Variants in BCL2L13 observed in about 807,000 individuals in gnomAD.
BCL2L13 encodes the protein BCL2 like 13.
A neutral mutation model predicts 25.8 loss-of-function variants in BCL2L13; 13 were observed. The observed-to-expected ratio is 0.50, with a 90% CI of 0.33 to 0.80. BCL2L13 has a LOEUF of 0.80. Among genes scored for constraint, BCL2L13 ranks in the 30% least tolerant of loss-of-function variants. The probability of loss-of-function intolerance (pLI) is 0.02; values close to 1 mark genes in which losing one functional copy is unlikely to be tolerated. For missense variants in BCL2L13, 504 were observed against 574.9 expected (o/e 0.88, Z 1.26); for synonymous variants, 244 against 230.3 (o/e 1.06, Z -0.54).
At chr22:17,635,462 T>C (rs867160178), upstream of BCL2L13, among the ~76,000 whole-genome samples, 2 of 152,218 alleles carry the variant, frequency 1.3e-5, no homozygotes, top group Admixed American at 6.5e-5. Flanking sequence ...GGCTATATTA[T>C]TTTATGCAAT....
At chr22:17,706,669 C>G (rs2060600439) in intron 6 of BCL2L13, 1 of 1,315,890 alleles carries the variant, frequency 7.6e-7, no homozygotes, top group African/African-American at 1.5e-5. Context: ...TTTATTTGCC[C>G]TGCAGCCCGG....
chr22:17,694,663 C>A (rs531084162), intron 4 of BCL2L13, among the ~76,000 whole-genome samples: 2 of 152,140 alleles, frequency 1.3e-5, no homozygotes, highest in African/African-American at 2.4e-5. Flanking sequence ...ATACTTTCAG[C>A]ACACTGGCTA....
chr22:17,649,510 CT>C lies in BCL2L13; in HGVS notation c.-50-6142del, dbSNP rs927231530. 1.1e-4 allele frequency among the ~76,000 whole-genome samples: 17 copies of C among 149,502 alleles called. No individual in the cohort carries two copies. The South Asian group carries it at 1.3e-3, about 11-fold the overall frequency. The stretch of plus-strand genomic sequence containing the variant: ...CAAAAGAGGGTTGTTGCTAAAGAGA[CT>C]TTTTTTTTTGAGACGAAGTCTTGCT... On this transcript the variant is annotated intron_variant, in intron 1 of 6. Transcript: ENST00000317582.
chr22:17,705,686 A>C (rs995385796), intron 6 of BCL2L13, among the ~76,000 whole-genome samples: 3 of 152,174 alleles, frequency 2.0e-5, no homozygotes, highest in Non-Finnish European at 2.9e-5. Flanking sequence ...CTGTGTGCTG[A>C]ACATTACATT....
At chr22:17,683,402 G>A in intron 3 of BCL2L13, 81 bp downstream of exon 3, 1 of 798,092 alleles carries the variant, frequency 1.3e-6, no homozygotes, top group Non-Finnish European at 2.0e-6. Context: ...GATTTTTACA[G>A]TGGGGTATTC....
At chr22:17,666,958 T>A in intron 2 of BCL2L13, among the ~76,000 whole-genome samples, 1 of 152,142 alleles carries the variant, frequency 6.6e-6, no homozygotes, top group Non-Finnish European at 1.5e-5. Context: ...GTGCTGGGAT[T>A]ACAGGTGATC....
At chr22:17,656,798 T>C (rs973991720) in intron 2 of BCL2L13, among the ~76,000 whole-genome samples, 3 of 152,098 alleles carry the variant, frequency 2.0e-5, no homozygotes, top group African/African-American at 7.2e-5. Flanking sequence ...AAGTGTTCCA[T>C]CATAATGATA....
chr22:17,692,280 T>C (rs1229331262), intron 4 of BCL2L13: 1 of 152,250 alleles, frequency 6.6e-6, no homozygotes, highest in Non-Finnish European at 1.5e-5. Context: ...TTGATTTCCT[T>C]TGAATGTTTT....
chr22:17,640,056 G>A (rs2058218594), intron 1 of BCL2L13, among the ~76,000 whole-genome samples: 1 of 152,208 alleles, frequency 6.6e-6, no homozygotes, highest in East Asian at 1.9e-4. Context: ...GTTTCATCAT[G>A]TTGGTCAGGA....
chr22:17,629,493 T>G (rs1233243113), intron 1 of BCL2L13, among the ~76,000 whole-genome samples: 2 of 152,148 alleles, frequency 1.3e-5, no homozygotes, highest in African/African-American at 4.8e-5. Context: ...TAGAGGAATA[T>G]TAGGACAGAA....
chr22:17,636,061 C>T (rs894785157), upstream of BCL2L13, among the ~76,000 whole-genome samples: 5 of 150,136 alleles, frequency 3.3e-5, no homozygotes, highest in Middle Eastern at 3.4e-3. Context: ...CGGTGGCTCA[C>T]GCCTGTAATC....
chr22:17,673,319 A>G (rs2146639962), intron 2 of BCL2L13, among the ~76,000 whole-genome samples: 1 of 150,730 alleles, frequency 6.6e-6, no homozygotes, highest in African/African-American at 2.4e-5. Flanking sequence ...GTCTGTTGTC[A>G]TATTTGCCTG....
At chr22:17,635,977 G>A (rs994072451), upstream of BCL2L13, among the ~76,000 whole-genome samples, 2 of 151,868 alleles carry the variant, frequency 1.3e-5, no homozygotes, top group Non-Finnish European at 2.9e-5. Flanking sequence ...CCAAAGTGCT[G>A]GGATTATAGG....
Position 17,707,774 on chromosome 22 carries a change from C to T in BCL2L13, c.600+5388C>T, listed in dbSNP as rs540597590. Reference sequence around the variant, plus strand: ...CTTTGGAATTTTGCCAAAGCTTCTTCAGATGGAAAAGTTAAGTTCATAGGA... The same window carrying T: ...CTTTGGAATTTTGCCAAAGCTTCTTTAGATGGAAAAGTTAAGTTCATAGGA... On this transcript the variant is annotated intron_variant, in intron 6 of 6. Transcript: ENST00000317582. Among the ~76,000 whole-genome samples the T allele has an allele frequency of 2.0e-5, 3 of 152,128 alleles. No individual in the cohort carries two copies. The South Asian group carries it at 6.2e-4, about 32-fold the overall frequency.
At chr22:17,648,461 G>A (rs1234575417) in intron 1 of BCL2L13, among the ~76,000 whole-genome samples, 2 of 151,942 alleles carry the variant, frequency 1.3e-5, no homozygotes, top group African/African-American at 4.8e-5. Context: ...AATTTGGGAC[G>A]CCAAGGTTGG....
chr22:17,707,880 CT>C (rs2060636399), intron 6 of BCL2L13, among the ~76,000 whole-genome samples: 1 of 151,942 alleles, frequency 6.6e-6, no homozygotes, highest in Non-Finnish European at 1.5e-5. Context: ...ATGTGACCCC[CT>C]GCCCCCACCA....
chr22:17,674,383 G>T (rs2059511206), intron 2 of BCL2L13, among the ~76,000 whole-genome samples: 1 of 151,986 alleles, frequency 6.6e-6, no homozygotes. Context: ...GAGGCGGGCG[G>T]ATCACAAGGT....
intron 2 of BCL2L13, among the ~76,000 whole-genome samples, chr22:17,663,354 G>A (rs2059131697): frequency 1.3e-5 from 2 of 152,156 alleles, no homozygotes; most frequent in Admixed American, 1.3e-4. Flanking sequence ...ACTAGTTGGT[G>A]TGTCCTACTT....
chr22:17,680,310 A>G (rs1313893517), intron 2 of BCL2L13, among the ~76,000 whole-genome samples: 1 of 150,566 alleles, frequency 6.6e-6, no homozygotes, highest in Non-Finnish European at 1.5e-5. Context: ...GGAGATCAAG[A>G]CCATCCTGGC....
Sources: gnomAD v4.1 joint callset for allele counts (sites outside exome capture counted in the v4.1 genomes callset) on GRCh38, gnomAD v4.1.1 for gene constraint, MANE v1.5 for transcripts, NCBI Gene and HGNC (gene_info 2026-07-23, HGNC 2026-07-21) for gene names.